The following UTP18 variants were observed in gnomAD, a reference collection of about 807,000 sequenced individuals.
UTP18 encodes the protein U3 small nucleolar RNA-associated protein 18 homolog.
In UTP18, 36 loss-of-function variants were observed where a neutral mutation model predicts 61.1. That is an observed-to-expected ratio of 0.59 (90% CI 0.45 to 0.78). The LOEUF is 0.78. Among genes scored for constraint, UTP18 ranks in the 30% least tolerant of loss-of-function variants. The pLI, the probability that UTP18 is intolerant of heterozygous loss-of-function variation, is 0.00. For missense variants in UTP18, 753 were observed against 693.9 expected (o/e 1.09, Z -0.96); for synonymous variants, 282 against 251.1 (o/e 1.12, Z -1.16).
intron 9 of UTP18, among the ~76,000 whole-genome samples, chr17:51,282,537 G>T (rs1429752010): frequency 2.0e-5 from 3 of 151,694 alleles, no homozygotes; most frequent in Admixed American, 6.6e-5. Context: ...AAGAAAGAAA[G>T]AAAGAATTAG....
At chr17:51,286,401 C>T (rs1375059199) in intron 10 of UTP18, 1 of 442,192 alleles carries the variant, frequency 2.3e-6, no homozygotes. Flanking sequence ...CAGTCAAATC[C>T]TCCCTGGGAT....
intron 6 of UTP18, 144 bp from the exon 7 acceptor site, chr17:51,276,986 A>G (rs1904743717): frequency 2.5e-6 from 2 of 785,308 alleles, no homozygotes; most frequent in African/African-American, 3.5e-5. Flanking sequence ...ATGGTTGATT[A>G]AATCACTGGC....
At chr17:51,263,024 C>T (rs2055523123) in intron 1 of UTP18, among the ~76,000 whole-genome samples, 1 of 152,166 alleles carries the variant, frequency 6.6e-6, no homozygotes, top group Admixed American at 6.5e-5. Context: ...GTTTTCCTTC[C>T]TGCGTGTTGA....
At chr17:51,261,205 C>G (rs902148115) in intron 1 of UTP18, among the ~76,000 whole-genome samples, 1 of 152,242 alleles carries the variant, frequency 6.6e-6, no homozygotes, top group Non-Finnish European at 1.5e-5. Flanking sequence ...GAGCATCTTT[C>G]GCTGCTGCTC....
rs1195115817 is a variant in UTP18 at position 51,294,056 on chromosome 17, T to C, written c.1646+11T>C. On this transcript the variant is annotated intron_variant, in intron 12 of 13. Transcript: ENST00000225298. ...GGCCCTGATGTATAGGTAGGTATTATTTATGTTTAAAAGTCAGAGATACCT... is the reference window on the plus strand; with the variant it reads ...GGCCCTGATGTATAGGTAGGTATTACTTATGTTTAAAAGTCAGAGATACCT... 1 of 1,561,226 alleles carries C rather than the reference T, an allele frequency of 6.4e-7. No homozygotes were observed. Among genetic ancestry groups the C allele is most frequent in the Non-Finnish European group, 8.6e-7 (1 of 1,159,772 alleles).
At chr17:51,280,607 G>A (rs779198844) in intron 9 of UTP18, 128 bp downstream of exon 9, 14 of 793,436 alleles carry the variant, frequency 1.8e-5, no homozygotes, top group Non-Finnish European at 2.7e-5. Flanking sequence ...TGAGGTCAGC[G>A]GGTAAGATCA....
intron 10 of UTP18, among the ~76,000 whole-genome samples, chr17:51,286,978 T>TCCCCCCCCCCCCC (rs11397806): frequency 1.6e-5 from 2 of 123,468 alleles, no homozygotes; most frequent in African/African-American, 3.6e-5. Flanking sequence ...CCCTCCCCCT[T>TCCCCCCCCCCCCC]CCCCCCCCGA....
chr17:51,263,228 T>C, intron 1 of UTP18, 46 bp from the exon 2 acceptor site: 1 of 1,543,284 alleles, frequency 6.5e-7, no homozygotes, highest in South Asian at 1.1e-5. Flanking sequence ...TCTGCAGTCA[T>C]GGGATAGGAA....
chr17:51,269,036 C>T, intron 4 of UTP18, 132 bp downstream of exon 4: 7 of 868,830 alleles, frequency 8.1e-6, no homozygotes, highest in Non-Finnish European at 1.2e-5. Context: ...CCTGTCATCC[C>T]AGTGCTTTGG....
At chr17:51,276,066 T>A in intron 6 of UTP18, 75 bp downstream of exon 6, 4 of 1,428,192 alleles carry the variant, frequency 2.8e-6, no homozygotes, top group Non-Finnish European at 3.8e-6. Flanking sequence ...CAACCCCAAA[T>A]GCAAAAATAC....
At chr17:51,277,070 A>T in intron 6 of UTP18, 60 bp from the exon 7 acceptor site, 1 of 1,539,930 alleles carries the variant, frequency 6.5e-7, no homozygotes, top group Non-Finnish European at 8.9e-7. Context: ...AAAAGTATAT[A>T]CTACCAGGAT....
chr17:51,268,399 G>C (rs1220698202), intron 3 of UTP18, among the ~76,000 whole-genome samples: 2 of 152,172 alleles, frequency 1.3e-5, no homozygotes, highest in East Asian at 1.9e-4. Flanking sequence ...AAGTGATTCT[G>C]TTTTATTCAG....
chr17:51,288,499 C>T (rs1239239585), intron 11 of UTP18: 4 of 475,250 alleles, frequency 8.4e-6, no homozygotes, highest in South Asian at 6.2e-5. Flanking sequence ...ATATTTAAGG[C>T]AGACACTTCA....
At chr17:51,295,340 A>G (rs1385788170) in intron 12 of UTP18, among the ~76,000 whole-genome samples, 3 of 152,086 alleles carry the variant, frequency 2.0e-5, no homozygotes, top group African/African-American at 7.2e-5. Context: ...TAGGTCTAAC[A>G]TGTAAGTCTT....
rs1411687095 is a variant in UTP18, at chr17:51,260,683, GGGGCCAGGC to G, written c.105_113del (p.Gly36_Pro38del). ...TGAGGCCGGACTGGAAAGCCGGAGC[GGGGCCAGGC>G]GGGCCTCCCCAAAAGCCTGCCCCTT... On this transcript the variant is annotated inframe_deletion, in exon 1 of 14. Coordinates refer to ENST00000225298, the MANE Select transcript of UTP18 (RefSeq NM_016001.3). 6.2e-7 allele frequency: 1 copy of G among 1,608,634 alleles called. No individual in the cohort carries two copies. The highest frequency in any genetic ancestry group is 2.2e-5 in the East Asian group (1 of 44,676).
rs534292793 is a variant in UTP18, at chr17:51,265,501, G to A, written c.456-681G>A. On this transcript the variant is annotated intron_variant, in intron 2 of 13. Coordinates refer to ENST00000225298, the MANE Select transcript of UTP18 (RefSeq NM_016001.3). ...TGGTCTCGAGCTCCCGACCTTCAGT[G>A]ATCCGCCTGTGTCTGCCTCCCAAAG... Among the ~76,000 whole-genome samples, 21 of 148,674 alleles carry A rather than the reference G, an allele frequency of 1.4e-4. No homozygotes were observed. In the East Asian group the frequency reaches 2.2e-3, roughly 16 times the overall value.
At chr17:51,271,737 C>T (rs1447222552) in intron 4 of UTP18, among the ~76,000 whole-genome samples, 2 of 151,098 alleles carry the variant, frequency 1.3e-5, no homozygotes, top group Non-Finnish European at 3.0e-5. Context: ...GCACTACCTC[C>T]ACTCACTGCG....
At chr17:51,265,079 C>T (rs2055546550) in intron 2 of UTP18, among the ~76,000 whole-genome samples, 1 of 151,980 alleles carries the variant, frequency 6.6e-6, no homozygotes, top group Non-Finnish European at 1.5e-5. Context: ...GAATTTCAAA[C>T]CTTTATATGT....
chr17:51,294,139 A>AG, intron 12 of UTP18, 94 bp downstream of exon 12: 1 of 1,077,506 alleles, frequency 9.3e-7, no homozygotes, highest in Non-Finnish European at 1.2e-6. Context: ...TACAGTTAAT[A>AG]AATTCTAGTC....
Sources: gnomAD v4.1 joint callset for allele counts (sites outside exome capture counted in the v4.1 genomes callset) on GRCh38, gnomAD v4.1.1 for gene constraint, MANE v1.5 for transcripts, NCBI Gene and HGNC (gene_info 2026-07-23, HGNC 2026-07-21) for gene names.